ZNF397: variants seen among roughly 807,000 people sequenced by gnomAD.
ZNF397 encodes the protein zinc finger and SCAN domain-containing protein 15.
A neutral mutation model predicts 50.6 loss-of-function variants in ZNF397; 38 were observed. The ratio of observed to expected loss-of-function variants is 0.75; its 90% CI spans 0.58 to 0.98. The LOEUF (loss-of-function observed/expected upper bound fraction) is 0.98, where lower values mean the gene tolerates loss of function less well. Ranked by LOEUF, ZNF397 falls within the 50% of genes least tolerant of loss-of-function variation. The pLI is 0.00. For missense variants in ZNF397, 624 were observed against 624.1 expected (o/e 1.00, Z 0.00); for synonymous variants, 228 against 215.2 (o/e 1.06, Z -0.52).
chr18:35,246,573 A>C lies in ZNF397; in HGVS notation c.*263A>C, dbSNP rs752466084. 8.1e-7 allele frequency: 1 copy of C among 1,233,672 alleles called. No homozygotes were observed. Among genetic ancestry groups the C allele is most frequent in the South Asian group, 2.4e-5 (1 of 41,678 alleles). The allele number at this position is 1,233,672 out of a possible 1,614,324, so 76.4% of individuals were successfully genotyped here. On this transcript the variant is annotated 3_prime_UTR_variant, in exon 4 of 4. Coordinates refer to ENST00000330501, the MANE Select transcript of ZNF397 (RefSeq NM_001135178.3). Reference sequence around the variant, plus strand: ...TACTCAGGAAATACGAAAAGTGGGAATGTAACATTGAAACCTCATTTTGTA... The same window carrying C: ...TACTCAGGAAATACGAAAAGTGGGACTGTAACATTGAAACCTCATTTTGTA...
At position 35,248,926 on chromosome 18, in the gene ZNF397, T is replaced by C. The variant is rs2043524547; in HGVS notation, c.*2616T>C. The C allele has an allele frequency of 6.6e-6, 1 of 152,136 alleles. No individual in the cohort carries two copies. Among genetic ancestry groups the C allele is most frequent in the Non-Finnish European group, 1.5e-5 (1 of 68,030 alleles). The allele number at this position is 152,136 out of a possible 1,614,324, so 9.4% of individuals were successfully genotyped here. A position where few individuals can be genotyped will look rare whatever the true frequency, so the allele number is the denominator to read the frequency against. ...TATTATTGTTATTTCTCAGCACGTA[T>C]GTAGCAGATGAGGAAATGAAGGCTA... On this transcript the variant is annotated 3_prime_UTR_variant, in exon 4 of 4. Transcript: ENST00000330501.
downstream of ZNF397, chr18:35,253,490 G>C: frequency 2.5e-6 from 4 of 1,606,052 alleles, no homozygotes; most frequent in Non-Finnish European, 3.4e-6. Context: ...CATAAGGCCT[G>C]ACCTATGCCT....
At chr18:35,253,294 T>C, downstream of ZNF397, 1 of 553,800 alleles carries the variant, frequency 1.8e-6, no homozygotes, top group Non-Finnish European at 3.1e-6. Context: ...ACTTCAATAA[T>C]CATAACAAAC....
At position 35,245,261 on chromosome 18, in the gene ZNF397, G is replaced by C; in HGVS notation, c.557-1G>C. 1 of 1,585,118 alleles carries C rather than the reference G, an allele frequency of 6.3e-7. No homozygotes were observed. Among genetic ancestry groups the C allele is most frequent in the Non-Finnish European group, 8.6e-7 (1 of 1,164,654 alleles). On this transcript the variant is annotated splice_acceptor_variant, in intron 3 of 3. Transcript: ENST00000330501. LOFTEE classifies it high-confidence loss of function. ...TGTTTTTTTGCTACTTATTGTTTCA[G>C]ATTGTGAGAACAGTGAAACAGCAAC...
At chr18:35,258,006 A>G in exon 6 of ZNF397, 1 of 780,920 alleles carries the variant, frequency 1.3e-6, no homozygotes, top group South Asian at 1.3e-5. Context: ...GGCAAGGCAT[A>G]TCATGAGGCT....
At chr18:35,251,591 G>A (rs1429248927), downstream of ZNF397, 1 of 152,134 alleles carries the variant, frequency 6.6e-6, no homozygotes, top group African/African-American at 2.4e-5. Context: ...GGTGGGAGGT[G>A]ATTAGATCAT....
rs1192477429 is a variant in ZNF397, at chr18:35,247,312, TGCCCAACCTGTA to T, written c.*1004_*1015del. On this transcript the variant is annotated 3_prime_UTR_variant, in exon 4 of 4. Coordinates refer to ENST00000330501, the MANE Select transcript of ZNF397 (RefSeq NM_001135178.3). ...GGAAAGGGCAAATATGTGGTTTCCT[TGCCCAACCTGTA>T]GGCTATCCTAGAACTTCCATGAGGG... 1 of 312,434 alleles carries T rather than the reference TGCCCAACCTGTA, an allele frequency of 3.2e-6. No individual in the cohort carries two copies. The highest frequency in any genetic ancestry group is 4.7e-6 in the Non-Finnish European group (1 of 214,616). 19.4% of individuals were successfully genotyped at this position (312,434 alleles called of 1,614,324 possible).
chr18:35,242,664 G>A lies in ZNF397; in HGVS notation c.194G>A (p.Arg65Gln), dbSNP rs757778188. Residue 65 changes from arginine to glutamine, a missense_variant, in exon 2 of 4, where the codon CGG becomes CAG. Physicochemically the swap from Arg to Gln is conservative, Grantham distance 43. Transcript: ENST00000330501. ...KFCYQETPGP[R>Q]EALSRLQELC... ...TGCTACCAGGAGACACCTGGGCCCC[G>A]GGAGGCTCTGAGCCGACTCCAGGAA... is the stretch of plus-strand genomic sequence containing the variant. 4 of 1,614,174 alleles carry A rather than the reference G, an allele frequency of 2.5e-6. No individual in the cohort carries two copies. Among genetic ancestry groups the A allele is most frequent in the Middle Eastern group, 1.6e-4 (1 of 6,062 alleles).
downstream of ZNF397, chr18:35,252,935 T>C (rs1273405944): frequency 6.5e-6 from 1 of 153,122 alleles, no homozygotes; most frequent in Admixed American, 6.5e-5. Context: ...CCTCAGGTAC[T>C]ATTTTACTGC....
At chr18:35,255,839 T>A (rs2043790562) in intron 5 of ZNF397, 1 of 154,376 alleles carries the variant, frequency 6.5e-6, no homozygotes, top group African/African-American at 2.4e-5. Context: ...ATTCATTGTT[T>A]CATTCAAAAA....
At chr18:35,243,376 C>T (rs770731066) in intron 3 of ZNF397, 83 bp downstream of exon 3, 1 of 1,597,190 alleles carries the variant, frequency 6.3e-7, no homozygotes, top group African/African-American at 1.3e-5. Flanking sequence ...ACTTGACAAA[C>T]TTGCCACATG....
Position 35,245,861 on chromosome 18 carries a change from A to G in ZNF397, c.1156A>G (p.Ile386Val), listed in dbSNP as rs1169222067. 2.6e-6 allele frequency: 4 copies of G among 1,554,372 alleles called. No homozygotes were observed. The highest frequency in any genetic ancestry group is 3.5e-6 in the Non-Finnish European group (4 of 1,148,630). ...KAFSQSSYLIIHQRIHTGEKP... is the reference protein window; with the variant it reads ...KAFSQSSYLIVHQRIHTGEKP... ...ATTCAGTCAAAGTTCATATCTCATT[A>G]TACATCAAAGAATTCACACTGGTGA... is the stretch of plus-strand genomic sequence containing the variant. The change falls in exon 4 of 4, where the codon ATA (isoleucine) becomes GTA (valine). Residue 386 changes from isoleucine (I) to valine (V), a missense_variant. By Grantham distance (29) the Ile-to-Val change is conservative. Coordinates refer to ENST00000330501, the MANE Select transcript of ZNF397 (RefSeq NM_001135178.3).
chr18:35,243,811 A>C (rs1912722311), intron 3 of ZNF397: 1 of 178,914 alleles, frequency 5.6e-6, no homozygotes, highest in Non-Finnish European at 1.2e-5. Context: ...ACCATCCCGA[A>C]GGTGTGAGAA....
chr18:35,257,616 G>A, intron 5 of ZNF397: 1 of 374,112 alleles, frequency 2.7e-6, no homozygotes, highest in South Asian at 4.3e-5. Context: ...GTAAATCCGT[G>A]TTGTTTACAA....
chr18:35,253,658 G>A, downstream of ZNF397: 3 of 1,614,088 alleles, frequency 1.9e-6, no homozygotes, highest in Non-Finnish European at 1.7e-6. Context: ...AATAAGGATA[G>A]AACTCCTACC....
intron 5 of ZNF397, among the ~76,000 whole-genome samples, chr18:35,256,758 T>A (rs963471664): frequency 1.3e-5 from 2 of 151,372 alleles, no homozygotes; most frequent in Non-Finnish European, 2.9e-5. Flanking sequence ...AGCTCTTCTG[T>A]TTTTGTTGTT....
chr18:35,253,382 T>C, downstream of ZNF397: 1 of 1,392,246 alleles, frequency 7.2e-7, no homozygotes. Flanking sequence ...AACTTTTCTT[T>C]TCTGTGGAGT....
downstream of ZNF397, among the ~76,000 whole-genome samples, chr18:35,254,797 C>A (rs2043739122): frequency 6.6e-6 from 1 of 152,132 alleles, no homozygotes; most frequent in Non-Finnish European, 1.5e-5. Context: ...AATCTGTGGT[C>A]TTCTATCAAT....
chr18:35,246,666 G>C lies in ZNF397; in HGVS notation c.*356G>C. On this transcript the variant is annotated 3_prime_UTR_variant, in exon 4 of 4. Coordinates refer to ENST00000330501, the MANE Select transcript of ZNF397 (RefSeq NM_001135178.3). ...TCTGATTGTTAGTGTGCCAGGTTAT[G>C]GGGCTGGTGTGGACTGTGTGAGGCA... The C allele has an allele frequency of 9.6e-7, 1 of 1,036,956 alleles. No individual in the cohort carries two copies. The highest frequency in any genetic ancestry group is 3.6e-5 in the South Asian group (1 of 27,768). The allele number at this position is 1,036,956 out of a possible 1,614,324, so 64.2% of individuals were successfully genotyped here.
Sources: allele counts gnomAD v4.1 joint callset (sites outside exome capture counted in the v4.1 genomes callset), GRCh38; gene constraint gnomAD v4.1.1; transcripts MANE v1.5; gene names NCBI Gene and HGNC (gene_info 2026-07-23, HGNC 2026-07-21).